NTSR1: variants seen among roughly 807,000 people sequenced by gnomAD.
NTSR1 encodes neurotensin receptor type 1.
Under a neutral mutation model 31.2 loss-of-function variants are expected in NTSR1, and 29 were observed. The ratio of observed to expected loss-of-function variants is 0.93; its 90% CI spans 0.69 to 1.27. The LOEUF is 1.27. Ranked by LOEUF, NTSR1 falls within the 50% of genes most tolerant of loss-of-function variation. The pLI, the probability that NTSR1 is intolerant of heterozygous loss-of-function variation, is 0.00. For missense variants in NTSR1, 697 were observed against 595.4 expected, an observed-to-expected ratio of 1.17 and a Z score of -1.78; for synonymous variants, 282 against 269.9, an observed-to-expected ratio of 1.04 and a Z score of -0.44.
intron 1 of NTSR1, among the ~76,000 whole-genome samples, chr20:62,747,987 C>A (rs1989330773): frequency 6.6e-6 from 1 of 152,118 alleles, no homozygotes; most frequent in African/African-American, 2.4e-5. Flanking sequence ...ACCAGCCTGG[C>A]CAACATGGCA....
At position 62,742,822 on chromosome 20, in the gene NTSR1, A is replaced by G. The variant is rs953923491; in HGVS notation, c.715-11863A>G. On this transcript the variant is annotated intron_variant, in intron 1 of 3. Transcript: ENST00000370501. This position sits in a 1 kb window ranked among gnomAD's most constrained non-coding sequence, Gnocchi z 7.1. ...CTGGCATGGGGAGCAGAGACCCACC[A>G]GGGTTCCCATCCCTCTCCCCGCAGT... 6.7e-6 allele frequency among the ~76,000 whole-genome samples: 1 copy of G among 148,852 alleles called. No homozygotes were observed. Among genetic ancestry groups the G allele is most frequent in the Non-Finnish European group, 1.5e-5 (1 of 67,904 alleles).
Position 62,744,506 on chromosome 20 carries a change from G to C in NTSR1, c.715-10179G>C, listed in dbSNP as rs1301293493. Among the ~76,000 whole-genome samples the C allele has an allele frequency of 2.7e-5, 4 of 148,926 alleles. No individual in the cohort carries two copies. The highest frequency in any genetic ancestry group is 2.1e-4 in the South Asian group (1 of 4,764). On this transcript the variant is annotated intron_variant, in intron 1 of 3. Coordinates refer to ENST00000370501, the MANE Select transcript of NTSR1 (RefSeq NM_002531.3). This position sits in a 1 kb window ranked among gnomAD's most constrained non-coding sequence, Gnocchi z 4.1. ...GGAGGTGGAGCTTGCAATGAGCTGA[G>C]ATCACACCACTGCACTCCAGCCTGG...
At position 62,711,324 on chromosome 20, in the gene NTSR1, G is replaced by A. The variant is rs1284941835; in HGVS notation, c.714+1403G>A. Among the ~76,000 whole-genome samples, 3 of 152,178 alleles carry A rather than the reference G, an allele frequency of 2.0e-5. No homozygotes were observed. The highest frequency in any genetic ancestry group is 7.2e-5 in the African/African-American group (3 of 41,448). The stretch of plus-strand genomic sequence containing the variant: ...CCTCACCAGAGGCAGAAGTAGGCAC[G>A]GCCTGTGGGGTAAACACAGTGAGAA... On this transcript the variant is annotated intron_variant, in intron 1 of 3. Coordinates refer to ENST00000370501, the MANE Select transcript of NTSR1 (RefSeq NM_002531.3). The surrounding 1 kb of genome is among the most constrained non-coding windows in gnomAD (Gnocchi z 6.4).
intron 1 of NTSR1, among the ~76,000 whole-genome samples, chr20:62,747,642 A>G (rs1307611420): frequency 6.6e-6 from 1 of 152,280 alleles, no homozygotes; most frequent in Non-Finnish European, 1.5e-5. Context: ...AGGCCTAGCC[A>G]GAGCCATTAA....
intron 1 of NTSR1, among the ~76,000 whole-genome samples, chr20:62,719,109 C>T (rs79148199): frequency 0.36 from 38,748 of 107,786 alleles, 5,668 homozygotes; most frequent in Admixed American, 0.47. Flanking sequence ...CTTCCAGTCC[C>T]TTTTTTTTTC....
intron 1 of NTSR1, among the ~76,000 whole-genome samples, chr20:62,712,594 A>G (rs1253100397): frequency 2.0e-5 from 3 of 152,198 alleles, no homozygotes; most frequent in Non-Finnish European, 2.9e-5. Flanking sequence ...TCAGGTCAGC[A>G]GACAGGACCT....
In NTSR1 at chr20:62,741,093, C is replaced by T. The variant is rs1256505408; in HGVS notation, c.715-13592C>T. 2.0e-5 allele frequency among the ~76,000 whole-genome samples: 3 copies of T among 152,138 alleles called. No homozygotes were observed. Among genetic ancestry groups the T allele is most frequent in the Non-Finnish European group, 4.4e-5 (3 of 68,010 alleles). On this transcript the variant is annotated intron_variant, in intron 1 of 3. Transcript: ENST00000370501. The surrounding 1 kb of genome is among the most constrained non-coding windows in gnomAD (Gnocchi z 4.3). ...CCTCCTGTCCTGGAGGGCACCTGCC[C>T]AGCACAGGTAGAGGAGGCAAGGGTG...
At chr20:62,755,364 C>G (rs1186053905) in intron 2 of NTSR1, among the ~76,000 whole-genome samples, 2 of 54,898 alleles carry the variant, frequency 3.6e-5, no homozygotes, top group Admixed American at 3.3e-4. Context: ...TCCCTTCCTC[C>G]CTTCATCCCT....
At chr20:62,750,828 A>G (rs1196935475) in intron 1 of NTSR1, among the ~76,000 whole-genome samples, 1 of 152,148 alleles carries the variant, frequency 6.6e-6, no homozygotes, top group Non-Finnish European at 1.5e-5. Context: ...GGCGGTGATC[A>G]TTTCACAATG....
rs915092247 is a variant in NTSR1 at position 62,758,475 on chromosome 20, C to T, written c.1007+119C>T. 43 of 871,110 alleles carry T rather than the reference C, an allele frequency of 4.9e-5. No individual in the cohort carries two copies. Among genetic ancestry groups the T allele is most frequent in the Admixed American group, 1.0e-4 (5 of 48,502 alleles). The allele number at this position is 871,110 out of a possible 1,614,324, so 54.0% of individuals were successfully genotyped here. A position where few individuals can be genotyped will look rare whatever the true frequency, so the allele number is the denominator to read the frequency against. The stretch of plus-strand genomic sequence containing the variant: ...CAGGGCAGGGGTGTGGTGAGTCCCC[C>T]GGCGACCCCCTGGGCAGGGTTGTGC... On this transcript the variant is annotated intron_variant, in intron 3 of 3. Coordinates refer to ENST00000370501, the MANE Select transcript of NTSR1 (RefSeq NM_002531.3). This position sits in a 1 kb window ranked among gnomAD's most constrained non-coding sequence, Gnocchi z 4.5.
At position 62,734,285 on chromosome 20, in the gene NTSR1, T is replaced by C. The variant is rs143983678; in HGVS notation, c.715-20400T>C. 8.1e-3 allele frequency among the ~76,000 whole-genome samples: 1,190 copies of C among 146,948 alleles called. 19 individuals are homozygous for C. Among genetic ancestry groups the C allele is most frequent in the African/African-American group, 0.027 (1,091 of 40,028 alleles). On this transcript the variant is annotated intron_variant, in intron 1 of 3. Transcript: ENST00000370501. ...CTTTTCTGGAGCCTTCTCTGGAGTG[T>C]GACCCCCTTCCCCGCAAAAAAAAAA...
chr20:62,755,255 C>T (rs1217748316), intron 2 of NTSR1, among the ~76,000 whole-genome samples: 1 of 138,694 alleles, frequency 7.2e-6, no homozygotes, highest in South Asian at 2.4e-4. Context: ...ACTCCTCTAC[C>T]TCTCCCTCCA....
rs974323958 is a variant in NTSR1, at chr20:62,761,403, G to A, written c.*1136G>A. 6.6e-6 allele frequency: 1 copy of A among 152,404 alleles called. No individual in the cohort carries two copies. Among genetic ancestry groups the A allele is most frequent in the Non-Finnish European group, 1.5e-5 (1 of 68,206 alleles). 9.4% of individuals were successfully genotyped at this position (152,404 alleles called of 1,614,324 possible). Reference sequence around the variant, plus strand: ...CATTTGTCACCTTCTGGCGGCGGCAGCCCTGGCCCCGGCCTCCAAGCAGTT... The same window carrying A: ...CATTTGTCACCTTCTGGCGGCGGCAACCCTGGCCCCGGCCTCCAAGCAGTT... On this transcript the variant is annotated 3_prime_UTR_variant, in exon 4 of 4. Coordinates refer to ENST00000370501, the MANE Select transcript of NTSR1 (RefSeq NM_002531.3).
chr20:62,759,939 G>A (rs980038122), intron 3 of NTSR1, 79 bp from the exon 4 acceptor site: 37 of 1,458,738 alleles, frequency 2.5e-5, no homozygotes, highest in East Asian at 1.1e-4. Flanking sequence ...TCCCTCAGCC[G>A]CTGTGGCCCC....
chr20:62,719,956 C>G (rs1057133153), intron 1 of NTSR1, among the ~76,000 whole-genome samples: 1 of 152,176 alleles, frequency 6.6e-6, no homozygotes, highest in African/African-American at 2.4e-5. Flanking sequence ...GATTGTCCAG[C>G]AAAACCATCC....
In NTSR1 at chr20:62,757,281, C is replaced by A. The variant is rs141746900; in HGVS notation, c.917-985C>A. On this transcript the variant is annotated intron_variant, in intron 2 of 3. Coordinates refer to ENST00000370501, the MANE Select transcript of NTSR1 (RefSeq NM_002531.3). ...TGTGAGGGGAGGATCCACCTTCATA[C>A]AAGTGGATGTCCCGTTTTCCTAACA... Among the ~76,000 whole-genome samples the A allele has an allele frequency of 2.1e-3, 313 of 152,326 alleles. 7 individuals carry two copies. The South Asian group carries it at 0.023, about 11-fold the overall frequency.
At chr20:62,759,540 T>C (rs1474603941) in intron 3 of NTSR1, among the ~76,000 whole-genome samples, 1 of 151,168 alleles carries the variant, frequency 6.6e-6, no homozygotes, top group African/African-American at 2.4e-5. Context: ...TTTGGGAGGC[T>C]GAGGTGGGTG....
At position 62,744,550 on chromosome 20, in the gene NTSR1, G is replaced by A. The variant is rs111957381; in HGVS notation, c.715-10135G>A. Among the ~76,000 whole-genome samples the A allele has an allele frequency of 2.2e-5, 3 of 134,556 alleles. No homozygotes were observed. Among genetic ancestry groups the A allele is most frequent in the African/African-American group, 5.6e-5 (2 of 35,810 alleles). The allele number at this position is 134,556 out of a possible 152,430, so 88.3% of individuals were successfully genotyped here. A position where few individuals can be genotyped will look rare whatever the true frequency, so the allele number is the denominator to read the frequency against. The stretch of plus-strand genomic sequence containing the variant: ...AGCCTGGGTGACAGAACAAGACTCC[G>A]TCTCAAAAAAAAAAAAAAATACAAA... On this transcript the variant is annotated intron_variant, in intron 1 of 3. Transcript: ENST00000370501. The surrounding 1 kb of genome is among the most constrained non-coding windows in gnomAD (Gnocchi z 4.1).
intron 1 of NTSR1, among the ~76,000 whole-genome samples, chr20:62,750,756 T>C (rs1989380627): frequency 6.6e-6 from 1 of 151,614 alleles, no homozygotes; most frequent in Non-Finnish European, 1.5e-5. Context: ...AGAATAAATC[T>C]TGTGTTCCCA....
Sources: allele counts gnomAD v4.1 joint callset (sites outside exome capture counted in the v4.1 genomes callset), GRCh38; gene constraint gnomAD v4.1.1; non-coding constraint Gnocchi (gnomAD v3.1); transcripts MANE v1.5; gene names NCBI Gene and HGNC (gene_info 2026-07-23, HGNC 2026-07-21).